UNG: variants seen among roughly 807,000 people sequenced by gnomAD.
The protein encoded by UNG is uracil-DNA glycosylase.
UNG carries 34 observed loss-of-function variants against 36.5 expected under a neutral mutation model. The observed-to-expected ratio is 0.93, with a 90% CI of 0.71 to 1.24. The LOEUF (loss-of-function observed/expected upper bound fraction) is 1.24. Among genes scored for constraint, UNG ranks in the 50% most tolerant of loss-of-function variants. UNG has a pLI of 0.00. For synonymous variants in UNG, 172 were observed against 157.8 expected (o/e 1.09, Z -0.67); for missense variants, 391 against 397.6 (o/e 0.98, Z 0.14).
intron 6 of UNG, among the ~76,000 whole-genome samples, chr12:109,105,412 C>T (rs2042208852): frequency 6.6e-6 from 1 of 152,104 alleles, no homozygotes; most frequent in African/African-American, 2.4e-5. Flanking sequence ...TGCTCTTCCG[C>T]AGTATATTGG....
intron 6 of UNG, 93 bp downstream of exon 6, chr12:109,103,704 G>T: frequency 7.4e-7 from 1 of 1,359,674 alleles, no homozygotes; most frequent in South Asian, 1.3e-5. Flanking sequence ...GTTTGGTCCT[G>T]GAAAATCCAT....
chr12:109,104,776 T>C (rs1015626096), intron 6 of UNG, among the ~76,000 whole-genome samples: 1 of 152,044 alleles, frequency 6.6e-6, no homozygotes, highest in Non-Finnish European at 1.5e-5. Context: ...GGAGAAATTA[T>C]AGAGTAAATG....
At chr12:109,109,102 A>G (rs1248921880) in intron 6 of UNG, among the ~76,000 whole-genome samples, 2 of 152,190 alleles carry the variant, frequency 1.3e-5, no homozygotes, top group African/African-American at 4.8e-5. Context: ...TATGTCATAA[A>G]TATATCTTCA....
intron 1 of UNG, chr12:109,098,176 A>G (rs1181156486): frequency 2.1e-6 from 3 of 1,417,464 alleles, no homozygotes; most frequent in Admixed American, 2.9e-5. Flanking sequence ...ACCTCTGTGC[A>G]GGGTTCCCAG....
chr12:109,106,934 T>TATATATATATGTGTATATATATATA (rs1566123324), intron 6 of UNG, among the ~76,000 whole-genome samples: 2 of 39,924 alleles, frequency 5.0e-5, no homozygotes, highest in African/African-American at 1.4e-4. Flanking sequence ...TATATATATA[T>TATATATATATGTGTATATATATATA]AAAAAATATT....
intron 2 of UNG, 107 bp from the exon 3 acceptor site, chr12:109,099,082 C>T (rs2042157264): frequency 1.8e-6 from 2 of 1,097,186 alleles, no homozygotes; most frequent in Non-Finnish European, 2.7e-6. Flanking sequence ...CATAACATGA[C>T]AAAGAACTAA....
chr12:109,108,329 T>C (rs540619049), intron 6 of UNG, among the ~76,000 whole-genome samples: 1 of 152,322 alleles, frequency 6.6e-6, no homozygotes, highest in South Asian at 2.1e-4. Context: ...TTTTTTTTCT[T>C]TCTTTAAGAG....
In UNG at chr12:109,104,055, G is replaced by GTTTTTTGGTTTTTT. The variant is rs1555265046; in HGVS notation, c.801+451_801+452insGTTTTTTTTTTTTG. On this transcript the variant is annotated intron_variant, in intron 6 of 6. Transcript: ENST00000242576. ...GTGATCATTATTGTTTTGTTTCTGG[G>GTTTTTTGGTTTTTT]TTTTTTGTTTTTTGATGGAGTCTCG... 3.5e-3 allele frequency among the ~76,000 whole-genome samples: 522 copies of GTTTTTTGGTTTTTT among 148,222 alleles called. 5 individuals carry two copies. The highest frequency in any genetic ancestry group is 0.012 in the African/African-American group (477 of 39,028).
chr12:109,098,188 C>G, intron 1 of UNG: 1 of 1,422,898 alleles, frequency 7.0e-7, no homozygotes, highest in Non-Finnish European at 9.2e-7. Context: ...GGTTCCCAGT[C>G]ACCGCGACGC....
At chr12:109,102,519 T>C (rs1053783039) in intron 4 of UNG, among the ~76,000 whole-genome samples, 2 of 151,712 alleles carry the variant, frequency 1.3e-5, no homozygotes, top group African/African-American at 4.8e-5. Context: ...TGGTGTATGA[T>C]ATACATAAAT....
chr12:109,101,959 C>T lies in UNG; in HGVS notation c.493C>T (p.Leu165Phe). Residue 165 changes from leucine (L) to phenylalanine (F), a missense_variant, in exon 4 of 7, where the codon CTC becomes TTC. Leu to Phe is a conservative substitution (Grantham distance 22, BLOSUM62 0). Transcript: ENST00000242576. ...TCATGGACCTAATCAAGCTCACGGGCTCTGCTTTAGTGTTCAAAGGCCTGT... is the reference window on the plus strand; with the variant it reads ...TCATGGACCTAATCAAGCTCACGGGTTCTGCTTTAGTGTTCAAAGGCCTGT... ...PYHGPNQAHGLCFSVQRPVPP... is the reference protein window; with the variant it reads ...PYHGPNQAHGFCFSVQRPVPP... 1 of 1,614,114 alleles carries T rather than the reference C, an allele frequency of 6.2e-7. No homozygotes were observed.
intron 3 of UNG, 76 bp from the exon 4 acceptor site, chr12:109,101,826 T>G (rs2042180176): frequency 5.5e-6 from 7 of 1,267,102 alleles, no homozygotes; most frequent in Non-Finnish European, 8.1e-6. Flanking sequence ...TTTGTTTTGT[T>G]TATGTTTGTT....
At chr12:109,098,164 G>A (rs899928317) in intron 1 of UNG, 3 of 1,399,034 alleles carry the variant, frequency 2.1e-6, no homozygotes, top group African/African-American at 1.5e-5. Context: ...CGGGGGCGGG[G>A]CACCTCTGTG....
At chr12:109,103,393 G>T (rs2042192962) in intron 5 of UNG, 40 bp from the exon 6 acceptor site, 2 of 1,600,048 alleles carry the variant, frequency 1.2e-6, no homozygotes, top group Non-Finnish European at 1.7e-6. Flanking sequence ...GGGCTGATTT[G>T]CCTGAGCCTA....
At chr12:109,100,579 T>C (rs543536163) in intron 3 of UNG, among the ~76,000 whole-genome samples, 1 of 152,350 alleles carries the variant, frequency 6.6e-6, no homozygotes, top group Non-Finnish European at 1.5e-5. Context: ...ACTAATTTGC[T>C]TCTTGTTTGA....
Position 109,097,820 on chromosome 12 carries a change from C to T in UNG, c.132+9C>T, listed in dbSNP as rs773920326. On this transcript the variant is annotated intron_variant, in intron 1 of 6. Coordinates refer to ENST00000242576, the MANE Select transcript of UNG (RefSeq NM_080911.3). ...AAAGCGGAGATGCGGCGGTGAGGCGCGGCTTGGGCCGGGGCTAGGGGGTGA... is the reference window on the plus strand; with the variant it reads ...AAAGCGGAGATGCGGCGGTGAGGCGTGGCTTGGGCCGGGGCTAGGGGGTGA... 3 of 1,536,370 alleles carry T rather than the reference C, an allele frequency of 2.0e-6. No individual in the cohort carries two copies. Among genetic ancestry groups the T allele is most frequent in the Middle Eastern group, 1.7e-4 (1 of 5,826 alleles).
Position 109,097,674 on chromosome 12 carries a change from T to C in UNG, c.-6T>C. 1.2e-6 allele frequency: 2 copies of C among 1,604,750 alleles called. No homozygotes were observed. The highest frequency in any genetic ancestry group is 1.3e-5 in the African/African-American group (1 of 74,714). ...GGCGCGCGTTCGCTGCCTCCTCAGC[T>C]CCAGGATGATCGGCCAGAAGACGCT... On this transcript the variant is annotated 5_prime_UTR_variant, in exon 1 of 7. Transcript: ENST00000242576.
intron 6 of UNG, 45 bp from the exon 7 acceptor site, chr12:109,109,784 T>TA: frequency 2.7e-6 from 4 of 1,496,386 alleles, no homozygotes; most frequent in Non-Finnish European, 3.6e-6. Flanking sequence ...AAAAAAAATT[T>TA]AAAAAGTCCC....
chr12:109,101,161 C>T (rs539993470), intron 3 of UNG, among the ~76,000 whole-genome samples: 5 of 117,750 alleles, frequency 4.2e-5, no homozygotes, highest in South Asian at 5.9e-4. Context: ...GGTGCAATCT[C>T]GGCTTACTGC....
Sources: gnomAD v4.1 joint callset for allele counts (sites outside exome capture counted in the v4.1 genomes callset) on GRCh38, gnomAD v4.1.1 for gene constraint, MANE v1.5 for transcripts, NCBI Gene and HGNC (gene_info 2026-07-23, HGNC 2026-07-21) for gene names.